Variants in PIGK observed in about 807,000 individuals in gnomAD.
The protein encoded by PIGK is GPI-anchor transamidase.
PIGK carries 42 observed loss-of-function variants against 50.6 expected under a neutral mutation model. The observed-to-expected ratio is 0.83, with a 90% CI of 0.65 to 1.07. The LOEUF (loss-of-function observed/expected upper bound fraction) is 1.07. Among genes scored for constraint, PIGK ranks in the 50% least tolerant of loss-of-function variants. The pLI, the probability that PIGK is intolerant of heterozygous loss-of-function variation, is 0.00. For synonymous variants in PIGK, 151 were observed against 156.0 expected, an observed-to-expected ratio of 0.97 and a Z score of 0.24; for missense variants, 448 against 488.7, an observed-to-expected ratio of 0.92 and a Z score of 0.78.
chr1:77,217,527 G>A (rs1268453580), intron 1 of PIGK, among the ~76,000 whole-genome samples: 1 of 152,146 alleles, frequency 6.6e-6, no homozygotes, highest in East Asian at 1.9e-4. Flanking sequence ...GGAGAGTTTA[G>A]AGCAACATTA....
intron 1 of PIGK, among the ~76,000 whole-genome samples, chr1:77,217,722 T>C (rs934731246): frequency 1.3e-5 from 2 of 152,158 alleles, no homozygotes; most frequent in African/African-American, 4.8e-5. Flanking sequence ...GTACAAACCA[T>C]ACACGGGTTA....
chr1:77,154,756 CTTAAAGA>C (rs1481445674), intron 8 of PIGK, 135 bp from the exon 9 acceptor site: 1 of 622,736 alleles, frequency 1.6e-6, no homozygotes, highest in East Asian at 3.0e-5. Flanking sequence ...TTCTAAAGAC[CTTAAAGA>C]TTAAAGTTTC....
At chr1:77,181,100 A>T (rs1477450437) in intron 3 of PIGK, among the ~76,000 whole-genome samples, 1 of 152,166 alleles carries the variant, frequency 6.6e-6, no homozygotes, top group Non-Finnish European at 1.5e-5. Flanking sequence ...GTGAAATTTT[A>T]AAAATTCTCA....
intron 4 of PIGK, among the ~76,000 whole-genome samples, chr1:77,168,172 C>T (rs1655275782): frequency 6.6e-6 from 1 of 152,016 alleles, no homozygotes; most frequent in Admixed American, 6.6e-5. Flanking sequence ...AATTTCTATC[C>T]CTCTGGGATT....
intron 10 of PIGK, among the ~76,000 whole-genome samples, chr1:77,093,166 T>G (rs1207991112): frequency 6.6e-6 from 1 of 152,118 alleles, no homozygotes; most frequent in Non-Finnish European, 1.5e-5. Context: ...CTATAACTCC[T>G]TCTATTGTTA....
intron 3 of PIGK, among the ~76,000 whole-genome samples, chr1:77,174,141 T>A (rs981444712): frequency 6.6e-6 from 1 of 152,256 alleles, no homozygotes; most frequent in African/African-American, 2.4e-5. Flanking sequence ...GATATCTGTA[T>A]GAAACTTACC....
intron 1 of PIGK, among the ~76,000 whole-genome samples, chr1:77,211,482 G>C (rs1036942339): frequency 6.6e-6 from 1 of 151,780 alleles, no homozygotes; most frequent in Non-Finnish European, 1.5e-5. Context: ...CAGTGAGAAG[G>C]CAAGGTAAAA....
chr1:77,100,648 G>T (rs757121126), intron 10 of PIGK, among the ~76,000 whole-genome samples: 5 of 152,142 alleles, frequency 3.3e-5, no homozygotes, highest in Non-Finnish European at 7.3e-5. Flanking sequence ...ATTATCCAGG[G>T]CATAGGGAAA....
intron 3 of PIGK, among the ~76,000 whole-genome samples, chr1:77,179,649 G>A (rs915419001): frequency 6.6e-6 from 1 of 152,000 alleles, no homozygotes; most frequent in Non-Finnish European, 1.5e-5. Context: ...GAGTCTCTCA[G>A]AATCTACTGT....
At chr1:77,098,024 G>A (rs921085909) in intron 10 of PIGK, among the ~76,000 whole-genome samples, 2 of 151,948 alleles carry the variant, frequency 1.3e-5, no homozygotes, top group Non-Finnish European at 2.9e-5. Context: ...GTAGAAAGAC[G>A]AATAAAACAG....
chr1:77,099,781 G>A lies in PIGK; in HGVS notation c.1072-7291C>T, dbSNP rs372513654. 1.0e-3 allele frequency among the ~76,000 whole-genome samples: 154 copies of A among 152,132 alleles called. 2 individuals carry two copies. The highest frequency in any genetic ancestry group is 3.5e-3 in the African/African-American group (145 of 41,504). On this transcript the variant is annotated intron_variant, in intron 10 of 10. Coordinates refer to ENST00000370812, the MANE Select transcript of PIGK (RefSeq NM_005482.3). ...AAGCATATCTTGTAATTTCATTTGT[G>A]TCCATTAGAGCTTCTTAAAAAAATG... is the stretch of plus-strand genomic sequence containing the variant.
chr1:77,121,660 T>C (rs1482459870), intron 10 of PIGK, among the ~76,000 whole-genome samples: 10 of 152,176 alleles, frequency 6.6e-5, no homozygotes. Context: ...CAACAGAACA[T>C]TTAAAATTAT....
chr1:77,158,451 G>A (rs1464804325), intron 8 of PIGK, among the ~76,000 whole-genome samples: 2 of 152,192 alleles, frequency 1.3e-5, no homozygotes, highest in South Asian at 2.1e-4. Flanking sequence ...AAATGTGGAA[G>A]TAACTTTGGT....
At position 77,155,599 on chromosome 1, in the gene PIGK, A is replaced by ATT. The variant is rs35303091; in HGVS notation, c.814-980_814-979dup. ...AAAAACAGAGAGTGAAATTCAAGCC[A>ATT]TTTTTTTTTTTCTTGAAGGAAAACG... On this transcript the variant is annotated intron_variant, in intron 8 of 10. Coordinates refer to ENST00000370812, the MANE Select transcript of PIGK (RefSeq NM_005482.3). Among the ~76,000 whole-genome samples, 58 of 149,856 alleles carry ATT rather than the reference A, an allele frequency of 3.9e-4. No homozygotes were observed. In the East Asian group the frequency reaches 9.4e-3, roughly 24 times the overall value.
chr1:77,162,893 T>C lies in PIGK; in HGVS notation c.584+953A>G, dbSNP rs549700693. On this transcript the variant is annotated intron_variant, in intron 6 of 10. Transcript: ENST00000370812. ...AGAGCAAGCTCTAGGACTGAACCAT[T>C]TGGGCATGAATCCTAGCTGTGTCAA... 3.3e-5 allele frequency among the ~76,000 whole-genome samples: 5 copies of C among 152,260 alleles called. No individual in the cohort carries two copies. In the East Asian group the frequency reaches 5.8e-4, roughly 18 times the overall value.
At chr1:77,115,457 T>C (rs1200614029) in intron 10 of PIGK, among the ~76,000 whole-genome samples, 2 of 151,404 alleles carry the variant, frequency 1.3e-5, no homozygotes, top group Admixed American at 1.3e-4. Flanking sequence ...TTTTTTAGCA[T>C]CACAATGACT....
intron 3 of PIGK, among the ~76,000 whole-genome samples, chr1:77,188,797 GC>G (rs1004255411): frequency 6.6e-6 from 1 of 152,132 alleles, no homozygotes; most frequent in Admixed American, 6.6e-5. Flanking sequence ...TCTCAAGCCG[GC>G]CGATGCTTAG....
intron 1 of PIGK, among the ~76,000 whole-genome samples, chr1:77,218,720 T>G (rs1170753487): frequency 6.6e-6 from 1 of 152,076 alleles, no homozygotes; most frequent in African/African-American, 2.4e-5. Context: ...GTATGGTGAA[T>G]AGTAAAAGCA....
chr1:77,218,442 A>C (rs577710358), intron 1 of PIGK, among the ~76,000 whole-genome samples: 1 of 152,328 alleles, frequency 6.6e-6, no homozygotes, highest in South Asian at 2.1e-4. Flanking sequence ...CACAAAATTT[A>C]GTGATAATTA....
Sources: allele counts gnomAD v4.1 joint callset (sites outside exome capture counted in the v4.1 genomes callset), GRCh38; gene constraint gnomAD v4.1.1; transcripts MANE v1.5; gene names NCBI Gene and HGNC (gene_info 2026-07-23, HGNC 2026-07-21).